Variants in RASGRF2 observed in about 807,000 individuals in gnomAD.
RASGRF2 encodes the protein ras-specific guanine nucleotide-releasing factor 2.
In RASGRF2, 76 loss-of-function variants were observed where a neutral mutation model predicts 151.0. That is an observed-to-expected ratio of 0.50 (90% CI 0.42 to 0.61). The LOEUF (loss-of-function observed/expected upper bound fraction) is 0.61. Ranked by LOEUF, RASGRF2 falls within the 20% of genes least tolerant of loss-of-function variation. RASGRF2 has a pLI of 0.00. For synonymous variants in RASGRF2, 504 were observed against 566.5 expected, an observed-to-expected ratio of 0.89 and a Z score of 1.57; for missense variants, 1,148 against 1,564.6, an observed-to-expected ratio of 0.73 and a Z score of 4.49.
At chr5:80,994,122 CT>C (rs1385559105) in intron 1 of RASGRF2, among the ~76,000 whole-genome samples, 1 of 151,894 alleles carries the variant, frequency 6.6e-6, no homozygotes, top group Non-Finnish European at 1.5e-5. Context: ...AAGGGGTAGT[CT>C]GGGAGGCCAG....
chr5:80,980,030 A>T (rs1427664076), intron 1 of RASGRF2, among the ~76,000 whole-genome samples: 5 of 151,968 alleles, frequency 3.3e-5, no homozygotes, highest in Non-Finnish European at 5.9e-5. Flanking sequence ...GTGGGTTTTC[A>T]TTTTTTCATA....
intron 1 of RASGRF2, among the ~76,000 whole-genome samples, chr5:80,993,677 C>T (rs1748727305): frequency 2.0e-5 from 3 of 152,184 alleles, no homozygotes; most frequent in Admixed American, 2.0e-4. Context: ...CCATTCTCAC[C>T]TGTAGGCCTG....
chr5:80,963,197 G>T (rs940595872), intron 1 of RASGRF2, among the ~76,000 whole-genome samples: 21 of 152,176 alleles, frequency 1.4e-4, no homozygotes, highest in Non-Finnish European at 2.9e-5. Flanking sequence ...AATTTATGTT[G>T]CTGAGGTGCT....
intron 15 of RASGRF2, among the ~76,000 whole-genome samples, chr5:81,119,443 A>G (rs534507413): frequency 6.6e-6 from 1 of 152,372 alleles, no homozygotes; most frequent in South Asian, 2.1e-4. Context: ...CAGAGTACTC[A>G]TGATGTAGTC....
At chr5:81,032,782 G>A (rs1750313221) in intron 1 of RASGRF2, among the ~76,000 whole-genome samples, 1 of 152,084 alleles carries the variant, frequency 6.6e-6, no homozygotes, top group African/African-American at 2.4e-5. Flanking sequence ...ACATAGTGTT[G>A]GAAGTTCTGG....
chr5:81,085,679 G>T, intron 7 of RASGRF2, 123 bp from the exon 8 acceptor site: 1 of 1,432,742 alleles, frequency 7.0e-7, no homozygotes, highest in Non-Finnish European at 9.3e-7. Flanking sequence ...TTTAAAAAAT[G>T]TGTAAAACAG....
intron 1 of RASGRF2, among the ~76,000 whole-genome samples, chr5:81,035,747 A>T (rs376810180): frequency 1.8e-4 from 27 of 152,196 alleles, no homozygotes; most frequent in East Asian, 7.7e-4. Flanking sequence ...AGAAATGGAA[A>T]ATACGAATGT....
chr5:81,031,045 G>A (rs1750225741), intron 1 of RASGRF2, among the ~76,000 whole-genome samples: 2 of 152,146 alleles, frequency 1.3e-5, no homozygotes, highest in Non-Finnish European at 2.9e-5. Flanking sequence ...GATCAAAAGA[G>A]ACAAAGAAGG....
intron 17 of RASGRF2, among the ~76,000 whole-genome samples, chr5:81,134,455 G>A (rs879453311): frequency 1.3e-5 from 2 of 152,084 alleles, no homozygotes; most frequent in African/African-American, 2.4e-5. Context: ...GAGCTCAGCT[G>A]GTGCACTGGC....
At chr5:81,180,036 T>C (rs1360551671) in intron 17 of RASGRF2, 139 bp from the exon 18 acceptor site, 1 of 602,332 alleles carries the variant, frequency 1.7e-6, no homozygotes, top group East Asian at 2.7e-5. Context: ...TTCACAATAG[T>C]CTGAAGCCAC....
intron 17 of RASGRF2, among the ~76,000 whole-genome samples, chr5:81,174,719 G>A (rs145058055): frequency 7.6e-4 from 115 of 152,234 alleles, no homozygotes; most frequent in African/African-American, 2.5e-3. Flanking sequence ...AAAAGCTCTG[G>A]TCCACATAAT....
intron 1 of RASGRF2, among the ~76,000 whole-genome samples, chr5:81,036,003 C>G (rs774196445): frequency 6.6e-6 from 1 of 151,976 alleles, no homozygotes; most frequent in Non-Finnish European, 1.5e-5. Flanking sequence ...TCAAGAAGTC[C>G]TACTTATTTC....
intron 1 of RASGRF2, among the ~76,000 whole-genome samples, chr5:80,991,672 A>T (rs1419431513): frequency 2.6e-5 from 4 of 152,298 alleles, no homozygotes; most frequent in Middle Eastern, 3.4e-3. Flanking sequence ...GTACATTTTT[A>T]AAAAACCTTC....
chr5:81,025,993 CCCTT>C (rs770659479), intron 1 of RASGRF2, among the ~76,000 whole-genome samples: 14 of 143,086 alleles, frequency 9.8e-5, no homozygotes, highest in Non-Finnish European at 1.5e-4. Context: ...CTCCCTCCCT[CCCTT>C]CCTTCCTTTC....
intron 18 of RASGRF2, among the ~76,000 whole-genome samples, chr5:81,200,959 C>A (rs567747091): frequency 1.3e-5 from 2 of 151,554 alleles, no homozygotes; most frequent in Non-Finnish European, 2.9e-5. Context: ...GTGTTGGGGG[C>A]GTGGTACGTG....
intron 1 of RASGRF2, among the ~76,000 whole-genome samples, chr5:81,029,272 T>A (rs1228269526): frequency 6.6e-6 from 1 of 152,182 alleles, no homozygotes; most frequent in Non-Finnish European, 1.5e-5. Flanking sequence ...GACTTAAACA[T>A]CCCTGTCTGA....
chr5:81,080,456 G>C (rs953296701), intron 6 of RASGRF2, 140 bp from the exon 7 acceptor site: 8 of 1,069,460 alleles, frequency 7.5e-6, no homozygotes, highest in Non-Finnish European at 1.1e-5. Flanking sequence ...CATTCTACCA[G>C]ATCATCATTC....
chr5:80,969,270 A>G (rs1188091994), intron 1 of RASGRF2, among the ~76,000 whole-genome samples: 2 of 150,608 alleles, frequency 1.3e-5, no homozygotes, highest in Non-Finnish European at 2.9e-5. Flanking sequence ...ACCTGGGATT[A>G]CAGGTGTGCA....
chr5:81,014,712 C>A (rs903257583), intron 1 of RASGRF2, among the ~76,000 whole-genome samples: 1 of 152,116 alleles, frequency 6.6e-6, no homozygotes, highest in Non-Finnish European at 1.5e-5. Context: ...TATGAAGAAT[C>A]CTGAAAATAT....
Sources: allele counts gnomAD v4.1 joint callset (sites outside exome capture counted in the v4.1 genomes callset), GRCh38; gene constraint gnomAD v4.1.1; transcripts MANE v1.5; gene names NCBI Gene and HGNC (gene_info 2026-07-23, HGNC 2026-07-21).